ADAMTS20: variants seen among roughly 807,000 people sequenced by gnomAD.
ADAMTS20 encodes A disintegrin and metalloproteinase with thrombospondin motifs 20.
In ADAMTS20, 225 loss-of-function variants were observed where a neutral mutation model predicts 260.1. The observed-to-expected ratio is 0.87, with a 90% CI of 0.78 to 0.97. ADAMTS20 has a LOEUF of 0.97. ADAMTS20 is among the 50% of genes least tolerant of loss of function. The probability of loss-of-function intolerance (pLI) is 0.00; values close to 1 mark genes in which losing one functional copy is unlikely to be tolerated. For missense variants in ADAMTS20, 2,400 were observed against 2,337.7 expected, an observed-to-expected ratio of 1.03 and a Z score of -0.55; for synonymous variants, 802 against 769.5, an observed-to-expected ratio of 1.04 and a Z score of -0.70.
chr12:43,439,961 C>T lies in ADAMTS20; in HGVS notation c.2399G>A (p.Gly800Glu), dbSNP rs776374833. Residue 800 changes from glycine (G) to glutamate (E), a missense_variant, in exon 17 of 39, where the codon GGA becomes GAA. Physicochemically the swap from Gly to Glu is moderately conservative, Grantham distance 98 (BLOSUM62 -2). Coordinates refer to ENST00000389420, the MANE Select transcript of ADAMTS20 (RefSeq NM_025003.5). ...QGTRTVIEYS[G>E]SNNAVERINS... is the part of the protein sequence containing the mutation. ...AATTCTTTCAACTGCGTTATTTGAT[C>T]CACTGTATTCAATAACAGTTCTTGT... 1 of 1,600,796 alleles carries T rather than the reference C, an allele frequency of 6.2e-7. No homozygotes were observed. Among genetic ancestry groups the T allele is most frequent in the South Asian group, 1.1e-5 (1 of 89,598 alleles).
intron 7 of ADAMTS20, among the ~76,000 whole-genome samples, chr12:43,487,359 C>A (rs1048610089): frequency 2.1e-5 from 3 of 140,054 alleles, no homozygotes; most frequent in Non-Finnish European, 4.6e-5. Context: ...TAAGTGAAAA[C>A]TAAGCTATGG....
chr12:43,377,137 T>C (rs1940247571), intron 32 of ADAMTS20, among the ~76,000 whole-genome samples: 2 of 152,222 alleles, frequency 1.3e-5, no homozygotes, highest in South Asian at 4.1e-4. Flanking sequence ...TGCTAAGTTA[T>C]CTAAGGAACA....
chr12:43,468,493 T>G (rs1240088553), intron 8 of ADAMTS20, 107 bp downstream of exon 8: 1 of 746,704 alleles, frequency 1.3e-6, no homozygotes, highest in East Asian at 2.7e-5. Flanking sequence ...CTAATAACAT[T>G]TTATGAAGAA....
At chr12:43,455,973 G>T (rs997340520) in intron 11 of ADAMTS20, among the ~76,000 whole-genome samples, 5 of 152,126 alleles carry the variant, frequency 3.3e-5, no homozygotes, top group African/African-American at 1.2e-4. Flanking sequence ...ATGCTGCTAT[G>T]AGTATGAGTG....
intron 29 of ADAMTS20, among the ~76,000 whole-genome samples, chr12:43,395,253 C>T (rs964113278): frequency 2.0e-5 from 3 of 152,048 alleles, no homozygotes; most frequent in Non-Finnish European, 4.4e-5. Context: ...TCACTGAATA[C>T]CCTGACATTT....
At chr12:43,408,323 A>T (rs1284521236) in intron 28 of ADAMTS20, among the ~76,000 whole-genome samples, 1 of 152,178 alleles carries the variant, frequency 6.6e-6, no homozygotes, top group Admixed American at 6.5e-5. Flanking sequence ...GTAGACCATA[A>T]AAAGCTAAAG....
At chr12:43,424,076 G>A (rs1187138123) in intron 28 of ADAMTS20, among the ~76,000 whole-genome samples, 2 of 151,944 alleles carry the variant, frequency 1.3e-5, no homozygotes, top group African/African-American at 2.4e-5. Flanking sequence ...TTTGGGTAGG[G>A]CAAAACAAAA....
intron 3 of ADAMTS20, among the ~76,000 whole-genome samples, chr12:43,509,707 C>T (rs1035074707): frequency 4.6e-5 from 7 of 151,828 alleles, no homozygotes; most frequent in South Asian, 2.1e-4. Context: ...AAATGGGTGA[C>T]GGAAGTGAAA....
chr12:43,531,942 A>G, intron 3 of ADAMTS20, 94 bp downstream of exon 3: 1 of 839,552 alleles, frequency 1.2e-6, no homozygotes, highest in Non-Finnish European at 1.6e-6. Context: ...AAAATAAATA[A>G]AATATTGAAG....
intron 36 of ADAMTS20, among the ~76,000 whole-genome samples, chr12:43,375,172 C>CAA (rs58169338): frequency 0.034 from 2,137 of 61,980 alleles, 126 homozygotes; most frequent in East Asian, 0.082. Context: ...AACTGCGTCT[C>CAA]AAAAAAAAAA....
intron 7 of ADAMTS20, among the ~76,000 whole-genome samples, chr12:43,481,050 C>T (rs931352376): frequency 3.3e-5 from 5 of 152,110 alleles, no homozygotes; most frequent in African/African-American, 9.7e-5. Context: ...CAAAACACTA[C>T]ATTTTACCCC....
chr12:43,453,943 C>T lies in ADAMTS20; in HGVS notation c.1724G>A (p.Gly575Glu), dbSNP rs1166581411. The change falls in exon 12 of 39, where the codon GGA becomes GAA. Residue 575 changes from glycine to glutamate, a missense_variant. Coordinates refer to ENST00000389420, the MANE Select transcript of ADAMTS20 (RefSeq NM_025003.5). ...ACAGCGCCTGGTTGCACTTTCGATT[C>T]CGCCTCCACATGTTCTTGAACAAGA... ...YSSCSRTCGG[G>E]IESATRRCNR... The T allele has an allele frequency of 6.2e-7, 1 of 1,611,088 alleles. No homozygotes were observed. Among genetic ancestry groups the T allele is most frequent in the Non-Finnish European group, 8.5e-7 (1 of 1,178,554 alleles).
chr12:43,400,150 T>C (rs905114834), intron 28 of ADAMTS20, among the ~76,000 whole-genome samples: 1 of 152,064 alleles, frequency 6.6e-6, no homozygotes, highest in African/African-American at 2.4e-5. Flanking sequence ...TTCTACCATT[T>C]TCCTTCATAT....
chr12:43,391,237 C>T (rs1940590095), intron 29 of ADAMTS20, among the ~76,000 whole-genome samples: 1 of 152,214 alleles, frequency 6.6e-6, no homozygotes, highest in Non-Finnish European at 1.5e-5. Context: ...GCTCTACCCT[C>T]ATGATTTAGT....
chr12:43,395,258 A>G (rs74660242), intron 29 of ADAMTS20, among the ~76,000 whole-genome samples: 3,423 of 152,288 alleles, frequency 0.022, 58 homozygotes, highest in East Asian at 0.085. Flanking sequence ...GAATACCCTG[A>G]CATTTCAAAT....
intron 2 of ADAMTS20, among the ~76,000 whole-genome samples, chr12:43,538,618 T>A (rs1943329635): frequency 6.6e-6 from 1 of 152,222 alleles, no homozygotes; most frequent in Admixed American, 6.5e-5. Flanking sequence ...ACATTTTCCC[T>A]AGTGTTTTCT....
chr12:43,381,954 TA>T (rs905272151), intron 31 of ADAMTS20, among the ~76,000 whole-genome samples: 19 of 151,746 alleles, frequency 1.3e-4, no homozygotes, highest in Admixed American at 6.6e-4. Context: ...ATGGTTATGT[TA>T]AAAAAAAGAT....
At chr12:43,401,088 T>C (rs1000152627) in intron 28 of ADAMTS20, among the ~76,000 whole-genome samples, 11 of 151,808 alleles carry the variant, frequency 7.2e-5, no homozygotes, top group African/African-American at 2.4e-4. Flanking sequence ...CCAAATACCA[T>C]TAAAAGGATA....
intron 3 of ADAMTS20, among the ~76,000 whole-genome samples, chr12:43,526,443 G>A (rs951007422): frequency 3.9e-5 from 6 of 151,950 alleles, no homozygotes; most frequent in Non-Finnish European, 8.8e-5. Flanking sequence ...GAGTGACAGA[G>A]CAATACTCCG....
Sources: allele counts gnomAD v4.1 joint callset (sites outside exome capture counted in the v4.1 genomes callset), GRCh38; gene constraint gnomAD v4.1.1; transcripts MANE v1.5; gene names NCBI Gene and HGNC (gene_info 2026-07-23, HGNC 2026-07-21).